Variants in ZNF568 observed in about 807,000 individuals in gnomAD.
ZNF568 encodes the protein p53 inhibitor of SCO2 activation.
ZNF568 carries 11 observed loss-of-function variants against 18.1 expected under a neutral mutation model. The ratio of observed to expected loss-of-function variants is 0.61; its 90% confidence interval spans 0.38 to 1.00. ZNF568 has a LOEUF of 1.00. ZNF568 is among the 50% of genes least tolerant of loss of function. ZNF568 has a pLI of 0.01. For missense variants in ZNF568, 639 were observed against 768.2 expected, an observed-to-expected ratio of 0.83 and a Z score of 1.99; for synonymous variants, 213 against 246.6, an observed-to-expected ratio of 0.86 and a Z score of 1.28.
At chr19:36,926,747 T>G (rs1169830566) in intron 4 of ZNF568, among the ~76,000 whole-genome samples, 1 of 152,250 alleles carries the variant, frequency 6.6e-6, no homozygotes, top group South Asian at 2.1e-4. Context: ...GCCAGATGTA[T>G]TGTGCTTTAC....
chr19:36,965,180 G>A (rs566192304), intron 6 of ZNF568, among the ~76,000 whole-genome samples: 1 of 152,208 alleles, frequency 6.6e-6, no homozygotes, highest in Admixed American at 6.5e-5. Context: ...ATTAAGAGGT[G>A]GAACCTTTAC....
intron 6 of ZNF568, chr19:36,973,631 C>A (rs1440238024): frequency 6.5e-6 from 1 of 152,838 alleles, no homozygotes; most frequent in Non-Finnish European, 1.5e-5. Flanking sequence ...ACTAAAAGTC[C>A]GGGCAGTTCT....
At chr19:36,982,907 A>G (rs901004009), downstream of ZNF568, among the ~76,000 whole-genome samples, 8 of 152,190 alleles carry the variant, frequency 5.3e-5, no homozygotes, top group African/African-American at 1.7e-4. Flanking sequence ...AATCTGTGGC[A>G]TGTGTAAGAC....
In ZNF568 at chr19:36,922,619, G is replaced by A; in HGVS notation, c.-152G>A. The A allele has an allele frequency of 1.8e-6, 1 of 540,748 alleles. No individual in the cohort carries two copies. The highest frequency in any genetic ancestry group is 1.9e-5 in the African/African-American group (1 of 52,574). The allele number at this position is 540,748 out of a possible 1,614,324, so 33.5% of individuals were successfully genotyped here. A position where few individuals can be genotyped will look rare whatever the true frequency, so the allele number is the denominator to read the frequency against. On this transcript the variant is annotated 5_prime_UTR_variant, in exon 3 of 7. In the 5' UTR this introduces an upstream ATG that the reference lacks. Coordinates refer to ENST00000333987, the MANE Select transcript of ZNF568 (RefSeq NM_198539.4). Reference sequence around the variant, plus strand: ...TCCACAAGGATAAAACACATCTGCAGTGCAAATAGAAGTCTGAGGAACAGG... The same window carrying A: ...TCCACAAGGATAAAACACATCTGCAATGCAAATAGAAGTCTGAGGAACAGG...
downstream of ZNF568, among the ~76,000 whole-genome samples, chr19:36,956,958 A>C (rs1398393744): frequency 1.3e-5 from 2 of 152,174 alleles, no homozygotes; most frequent in East Asian, 3.8e-4. Context: ...ACAAGCAATA[A>C]ATTTTTATGA....
chr19:36,949,108 T>C (rs1042749808), intron 6 of ZNF568, among the ~76,000 whole-genome samples: 1 of 152,206 alleles, frequency 6.6e-6, no homozygotes, highest in African/African-American at 2.4e-5. Flanking sequence ...TTTAATGGCA[T>C]TTTAGGAAGG....
At chr19:36,922,430 T>G in intron 2 of ZNF568, 156 bp from the exon 3 acceptor site, 1 of 192,122 alleles carries the variant, frequency 5.2e-6, no homozygotes, top group Non-Finnish European at 1.1e-5. Flanking sequence ...CAATATCCTA[T>G]TGGTTATGCA....
chr19:36,959,323 T>C (rs2074130874), intron 6 of ZNF568, among the ~76,000 whole-genome samples: 1 of 152,220 alleles, frequency 6.6e-6, no homozygotes, highest in South Asian at 2.1e-4. Flanking sequence ...TTAACTGATT[T>C]GCATACATTG....
At chr19:36,927,886 AT>A (rs34263646) in intron 4 of ZNF568, among the ~76,000 whole-genome samples, 5,029 of 47,540 alleles carry the variant, frequency 0.11, 527 homozygotes, top group African/African-American at 0.26. Flanking sequence ...ATATATATAT[AT>A]TATATATATA....
intron 4 of ZNF568, among the ~76,000 whole-genome samples, chr19:36,995,378 G>A (rs1022844989): frequency 7.9e-5 from 12 of 152,156 alleles, no homozygotes; most frequent in African/African-American, 2.9e-4. Context: ...CAGCCTGGGT[G>A]CCAGAGTGAG....
intron 7 of ZNF568, among the ~76,000 whole-genome samples, chr19:36,978,837 G>T (rs76028304): frequency 6.6e-6 from 1 of 152,056 alleles, no homozygotes; most frequent in South Asian, 2.1e-4. Context: ...CACAAGAAGG[G>T]CATTTATCCC....
At chr19:36,918,374 A>G (rs2073390444) in intron 2 of ZNF568, among the ~76,000 whole-genome samples, 1 of 152,202 alleles carries the variant, frequency 6.6e-6, no homozygotes, top group African/African-American at 2.4e-5. Flanking sequence ...TCAAGTCCCT[A>G]CATCCTTCTT....
At chr19:36,931,739 TAA>T (rs1403617903) in intron 4 of ZNF568, 5 of 152,318 alleles carry the variant, frequency 3.3e-5, no homozygotes, top group African/African-American at 1.2e-4. Flanking sequence ...TATTAACATA[TAA>T]GTCACATACT....
chr19:36,961,276 CTT>C lies in ZNF568; in HGVS notation c.359-13130_359-13129del, dbSNP rs142769873. ...ATGGTTATATAATGACCTTCTTTGTCTTTTTTTTTTTTTTTAACTCTTTTTGA... is the reference window on the plus strand; with the variant it reads ...ATGGTTATATAATGACCTTCTTTGTCTTTTTTTTTTTTTAACTCTTTTTGA... On this transcript the variant is annotated intron_variant, in intron 6 of 7. Transcript: ENST00000427117. Among the ~76,000 whole-genome samples, 1,234 of 131,790 alleles carry C rather than the reference CTT, an allele frequency of 9.4e-3. 32 individuals carry two copies. Among genetic ancestry groups the C allele is most frequent in the East Asian group, 0.057 (265 of 4,668 alleles). The allele number at this position is 131,790 out of a possible 152,430, so 86.5% of individuals were successfully genotyped here. A position where few individuals can be genotyped will look rare whatever the true frequency, so the allele number is the denominator to read the frequency against.
At position 36,937,230 on chromosome 19, in the gene ZNF568, A is replaced by G. The variant is rs759069402; in HGVS notation, c.346A>G (p.Arg116Gly). The G allele has an allele frequency of 5.0e-6, 8 of 1,613,752 alleles. No individual in the cohort carries two copies. In the Admixed American group the frequency reaches 1.3e-4, roughly 27 times the overall value. ...PWVMEEEMFG[R>G]HCPEVWEVDE... ...GGTGATGGAGGAAGAAATGTTTGGG[A>G]GGCACTGTCCAGGTGAATAAGTGAA... The change falls in exon 6 of 7, where the codon AGG becomes GGG. Residue 116 changes from arginine to glycine, a missense_variant. By Grantham distance (125) the Arg-to-Gly change is moderately radical. Coordinates refer to ENST00000333987, the MANE Select transcript of ZNF568 (RefSeq NM_198539.4).
chr19:36,922,645 T>C lies in ZNF568; in HGVS notation c.-126T>C. The C allele has an allele frequency of 1.6e-6, 1 of 620,286 alleles. No homozygotes were observed. The highest frequency in any genetic ancestry group is 2.8e-5 in the East Asian group (1 of 36,088). 38.4% of individuals were successfully genotyped at this position (620,286 alleles called of 1,614,324 possible). On this transcript the variant is annotated 5_prime_UTR_variant, in exon 3 of 7. Coordinates refer to ENST00000333987, the MANE Select transcript of ZNF568 (RefSeq NM_198539.4). Reference sequence around the variant, plus strand: ...TGCAAATAGAAGTCTGAGGAACAGGTGTCTTATCATGGAAGGAGACCTGAC... The same window carrying C: ...TGCAAATAGAAGTCTGAGGAACAGGCGTCTTATCATGGAAGGAGACCTGAC...
chr19:36,981,861 A>G (rs1181695147), downstream of ZNF568, among the ~76,000 whole-genome samples: 1 of 151,854 alleles, frequency 6.6e-6, no homozygotes, highest in Admixed American at 6.6e-5. Context: ...GTGACAGAGC[A>G]AGACCCAGTC....
At chr19:36,953,866 G>T (rs1487639234), downstream of ZNF568, among the ~76,000 whole-genome samples, 1 of 151,232 alleles carries the variant, frequency 6.6e-6, no homozygotes, top group Non-Finnish European at 1.5e-5. Context: ...AGCCAAGATT[G>T]TGCCACTGCA....
At chr19:36,962,275 G>GTGTTT in intron 6 of ZNF568, among the ~76,000 whole-genome samples, 1 of 20,672 alleles carries the variant, frequency 4.8e-5, no homozygotes, top group East Asian at 2.3e-3. Context: ...AAGTGTTGCA[G>GTGTTT]TGTTTTTTTT....
Sources: gnomAD v4.1 joint callset for allele counts (sites outside exome capture counted in the v4.1 genomes callset) on GRCh38, gnomAD v4.1.1 for gene constraint, MANE v1.5 for transcripts, NCBI Gene and HGNC (gene_info 2026-07-23, HGNC 2026-07-21) for gene names.